Variants in ADAM18 observed in about 807,000 individuals in gnomAD.
The protein encoded by ADAM18 is disintegrin and metalloproteinase domain-containing protein 18.
A neutral mutation model predicts 94.4 loss-of-function variants in ADAM18; 117 were observed. The observed-to-expected ratio is 1.24, with a 90% CI of 1.07 to 1.45. The LOEUF (loss-of-function observed/expected upper bound fraction) is 1.45. ADAM18 is among the 40% of genes most tolerant of loss of function. The probability of loss-of-function intolerance (pLI) is 0.00; values close to 1 mark genes in which losing one functional copy is unlikely to be tolerated. For synonymous variants in ADAM18, 327 were observed against 291.6 expected, an observed-to-expected ratio of 1.12 and a Z score of -1.24; for missense variants, 936 against 880.0, an observed-to-expected ratio of 1.06 and a Z score of -0.81.
At chr8:39,666,130 T>C (rs1820988444) in intron 13 of ADAM18, among the ~76,000 whole-genome samples, 1 of 152,178 alleles carries the variant, frequency 6.6e-6, no homozygotes, top group Non-Finnish European at 1.5e-5. Context: ...CTCCACCTCC[T>C]GGGCTGAAGC....
intron 12 of ADAM18, among the ~76,000 whole-genome samples, chr8:39,657,454 G>C (rs889117042): frequency 6.6e-6 from 1 of 152,072 alleles, no homozygotes. Context: ...CAGGATTACA[G>C]GTGCCCACCA....
At chr8:39,680,323 T>C in intron 16 of ADAM18, 97 bp downstream of exon 16, 1 of 1,150,694 alleles carries the variant, frequency 8.7e-7, no homozygotes, top group Non-Finnish European at 1.2e-6. Flanking sequence ...ATTGAATGGA[T>C]TTAAACTTGT....
Position 39,606,354 on chromosome 8 carries a change from C to A in ADAM18, c.180C>A (p.Leu60=). 1.9e-6 allele frequency: 3 copies of A among 1,546,328 alleles called. No individual in the cohort carries two copies. The highest frequency in any genetic ancestry group is 1.2e-5 in the South Asian group (1 of 82,290). Residue 60 remains leucine, a synonymous_variant, in exon 3 of 20, where the codon CTC becomes CTA. Coordinates refer to ENST00000265707, the MANE Select transcript of ADAM18 (RefSeq NM_014237.3). ...TIDGQPYTLH[L]GKQSFLPQNF... is the part of the protein sequence containing the mutation. Reference sequence around the variant, plus strand: ...ATGGACAACCTTACACTCTACATCTCGGAAAACAGTAAGATATGATTTTTT... The same window carrying A: ...ATGGACAACCTTACACTCTACATCTAGGAAAACAGTAAGATATGATTTTTT...
Position 39,723,854 on chromosome 8 carries a change from TA to T in ADAM18, c.2128del (p.Arg710GlufsTer4). The T allele has an allele frequency of 6.4e-7, 1 of 1,573,506 alleles. No individual in the cohort carries two copies. Among genetic ancestry groups the T allele is most frequent in the Non-Finnish European group, 8.6e-7 (1 of 1,158,660 alleles). On this transcript the variant is annotated frameshift_variant, in exon 19 of 20. Transcript: ENST00000265707. LOFTEE classifies it high-confidence loss of function. Reference protein sequence around the residue: ...FFIVFTTVIFKRNEISKSCNR... With the variant: ...FFIVFTTVIFXRNEISKSCNR... The stretch of plus-strand genomic sequence containing the variant: ...TCATAGTTTTCACCACTGTGATCTT[TA>T]AAAGAAATGAAATAAGTAAATCATG...
intron 14 of ADAM18, among the ~76,000 whole-genome samples, chr8:39,674,334 G>A (rs1008697023): frequency 2.6e-5 from 4 of 152,178 alleles, no homozygotes; most frequent in African/African-American, 9.7e-5. Flanking sequence ...ATATATTTAA[G>A]ATAGTTAGTT....
intron 6 of ADAM18, among the ~76,000 whole-genome samples, chr8:39,621,171 A>G (rs1468736224): frequency 6.6e-6 from 1 of 152,150 alleles, no homozygotes; most frequent in East Asian, 1.9e-4. Flanking sequence ...AAATGAAACA[A>G]AATAAAAATA....
chr8:39,671,733 C>T (rs1821163845), intron 14 of ADAM18, among the ~76,000 whole-genome samples: 1 of 152,150 alleles, frequency 6.6e-6, no homozygotes, highest in South Asian at 2.1e-4. Flanking sequence ...GTATTCTCAT[C>T]AGTATCTTCT....
chr8:39,730,002 T>A lies in ADAM18; in HGVS notation c.*62T>A. 1 of 1,502,952 alleles carries A rather than the reference T, an allele frequency of 6.7e-7. No homozygotes were observed. The highest frequency in any genetic ancestry group is 9.3e-7 in the Non-Finnish European group (1 of 1,080,810). The allele number at this position is 1,502,952 out of a possible 1,614,324, so 93.1% of individuals were successfully genotyped here. ...AACGAATGTGCTTTATTTATAACCTTACGTTATCCCCAATGCATTGTAAAT... is the reference window on the plus strand; with the variant it reads ...AACGAATGTGCTTTATTTATAACCTAACGTTATCCCCAATGCATTGTAAAT... On this transcript the variant is annotated 3_prime_UTR_variant, in exon 20 of 20. Transcript: ENST00000265707.
At chr8:39,715,879 C>T (rs779004737) in intron 18 of ADAM18, among the ~76,000 whole-genome samples, 28 of 151,968 alleles carry the variant, frequency 1.8e-4, no homozygotes, top group South Asian at 6.2e-4. Flanking sequence ...TAAGAAATTA[C>T]GCTAATTCTC....
At chr8:39,665,879 AAAG>A (rs1820982953) in intron 13 of ADAM18, among the ~76,000 whole-genome samples, 1 of 150,366 alleles carries the variant, frequency 6.7e-6, no homozygotes, top group African/African-American at 2.5e-5. Flanking sequence ...AGAGTAAATA[AAAG>A]AAGAAAAAAA....
At chr8:39,598,879 C>T (rs1426554058) in intron 2 of ADAM18, among the ~76,000 whole-genome samples, 3 of 151,752 alleles carry the variant, frequency 2.0e-5, no homozygotes, top group Non-Finnish European at 4.4e-5. Context: ...TGGTGCGATC[C>T]CAGCTCACTG....
In ADAM18 at chr8:39,652,783, T is replaced by C. The variant is rs554259538; in HGVS notation, c.1230+4256T>C. ...ACAATAGCCAAGGAATCAACCTAAG[T>C]GTCTATCAATAAATGAATGGATTAA... On this transcript the variant is annotated intron_variant, in intron 12 of 19. Transcript: ENST00000265707. Among the ~76,000 whole-genome samples the C allele has an allele frequency of 4.6e-5, 7 of 152,320 alleles. No homozygotes were observed. The East Asian group carries it at 1.3e-3, about 29-fold the overall frequency.
intron 18 of ADAM18, among the ~76,000 whole-genome samples, chr8:39,717,249 ATTG>A (rs1822603927): frequency 6.6e-6 from 1 of 151,660 alleles, no homozygotes; most frequent in Admixed American, 6.6e-5. Flanking sequence ...ACTCTGTGTT[ATTG>A]TTGTCACAAT....
chr8:39,721,474 A>G (rs1032829377), intron 18 of ADAM18, among the ~76,000 whole-genome samples: 2 of 151,634 alleles, frequency 1.3e-5, no homozygotes, highest in African/African-American at 4.8e-5. Context: ...AAGTAAGTGG[A>G]CAACCTACAG....
At chr8:39,669,435 G>T (rs1309040375) in intron 14 of ADAM18, among the ~76,000 whole-genome samples, 1 of 148,658 alleles carries the variant, frequency 6.7e-6, no homozygotes. Flanking sequence ...TTTAGCATTA[G>T]GTATATCTCC....
intron 2 of ADAM18, among the ~76,000 whole-genome samples, chr8:39,589,641 C>T (rs978013886): frequency 4.0e-5 from 6 of 151,222 alleles, no homozygotes; most frequent in African/African-American, 1.5e-4. Flanking sequence ...TATACACCAA[C>T]ATGGGTGTAT....
intron 17 of ADAM18, among the ~76,000 whole-genome samples, chr8:39,702,115 A>G (rs750066300): frequency 2.6e-5 from 4 of 152,188 alleles, no homozygotes; most frequent in Non-Finnish European, 5.9e-5. Flanking sequence ...ACAGTGTATA[A>G]GTATTCCTTT....
chr8:39,632,751 G>T (rs1423882472), intron 7 of ADAM18, among the ~76,000 whole-genome samples: 2 of 152,072 alleles, frequency 1.3e-5, no homozygotes, highest in African/African-American at 4.8e-5. Context: ...CATATAGTTG[G>T]AAGAATTTAC....
rs141014313 is a variant in ADAM18 at position 39,652,702 on chromosome 8, C to T, written c.1230+4175C>T. ...TTACTGGATATATATTCACAGGAAACAATAGCAGTATGTTGAAGAGATGTC... is the reference window on the plus strand; with the variant it reads ...TTACTGGATATATATTCACAGGAAATAATAGCAGTATGTTGAAGAGATGTC... On this transcript the variant is annotated intron_variant, in intron 12 of 19. Coordinates refer to ENST00000265707, the MANE Select transcript of ADAM18 (RefSeq NM_014237.3). 6.0e-3 allele frequency among the ~76,000 whole-genome samples: 914 copies of T among 152,246 alleles called. 5 individuals are homozygous for T. The highest frequency in any genetic ancestry group is 0.021 in the African/African-American group (868 of 41,550).
Sources: allele counts gnomAD v4.1 joint callset (sites outside exome capture counted in the v4.1 genomes callset), GRCh38; gene constraint gnomAD v4.1.1; transcripts MANE v1.5; gene names NCBI Gene and HGNC (gene_info 2026-07-23, HGNC 2026-07-21).